SGK2: variants seen among roughly 807,000 people sequenced by gnomAD.
The protein encoded by SGK2 is serum/glucocorticoid regulated kinase 2, also known as serine/threonine-protein kinase Sgk2.
SGK2 carries 36 observed loss-of-function variants against 47.5 expected under a neutral mutation model. The ratio of observed to expected loss-of-function variants is 0.76; its 90% CI spans 0.58 to 1.00. The LOEUF (loss-of-function observed/expected upper bound fraction) is 1.00. Among genes scored for constraint, SGK2 ranks in the 50% least tolerant of loss-of-function variants. The pLI is 0.00. For missense variants in SGK2, 404 were observed against 467.4 expected, an observed-to-expected ratio of 0.86 and a Z score of 1.25; for synonymous variants, 157 against 181.9, an observed-to-expected ratio of 0.86 and a Z score of 1.10.
rs1045274713 is a variant in SGK2, at chr20:43,579,490, A to G, written c.850-482A>G. 3.9e-5 allele frequency among the ~76,000 whole-genome samples: 6 copies of G among 152,312 alleles called. No individual in the cohort carries two copies. The East Asian group carries it at 1.2e-3, about 29-fold the overall frequency. On this transcript the variant is annotated intron_variant, in intron 11 of 12. Transcript: ENST00000373100. ...TGAATCATGACCAGGGCTGAGTCCT[A>G]AAATCTGGGTGTCTGGGAATCTGAA...
chr20:43,574,547 C>A (rs1980352106), intron 9 of SGK2, among the ~76,000 whole-genome samples: 2 of 152,160 alleles, frequency 1.3e-5, no homozygotes, highest in South Asian at 4.1e-4. Flanking sequence ...GAAAAAGCAC[C>A]CCTTGAAACA....
chr20:43,582,655 T>TG (rs1011905535), intron 12 of SGK2, among the ~76,000 whole-genome samples: 2 of 151,294 alleles, frequency 1.3e-5, no homozygotes, highest in Non-Finnish European at 2.9e-5. Flanking sequence ...CCCAAAGTGC[T>TG]GGGATTACAG....
chr20:43,566,350 C>T (rs935516603), intron 1 of SGK2, 123 bp from the exon 2 acceptor site: 2 of 1,613,332 alleles, frequency 1.2e-6, no homozygotes, highest in South Asian at 1.1e-5. Context: ...AGGAAACCCT[C>T]AGGCGGTGGC....
Position 43,571,064 on chromosome 20 carries a change from G to GGTGGGTGGGTGTGTGTGGGT in SGK2, c.510+7_510+8insGGTGGGTGTGTGTGGGTGTG, listed in dbSNP as rs796100790. ...GAACATTCTCTTGGACTGCCAGGTT[G>GGTGGGTGGGTGTGTGTGGGT]GTGTGTGTGTGTGTGTGTGTGTGTG... On this transcript the variant is annotated splice_donor_region_variant and intron_variant, in intron 8 of 12. Coordinates refer to ENST00000373100, the MANE Select transcript of SGK2 (RefSeq NM_170693.3). 5 of 1,566,068 alleles carry GGTGGGTGGGTGTGTGTGGGT rather than the reference G, an allele frequency of 3.2e-6. No individual in the cohort carries two copies. The African/African-American group carries it at 6.9e-5, about 22-fold the overall frequency.
At position 43,580,022 on chromosome 20, in the gene SGK2, G is replaced by T. The variant is rs774356479; in HGVS notation, c.900G>T (p.Leu300=). The part of the protein sequence containing the change: ...VFFSPINWDD[L]YHKRLTPPFN... ...TCAGCCCCATAAACTGGGATGACCT[G>T]TACCACAAGAGGCTAACTCCACCCT... Residue 300 remains leucine (L), a synonymous_variant, in exon 12 of 13, where the codon CTG becomes CTT. Transcript: ENST00000373100. 1.9e-6 allele frequency: 3 copies of T among 1,610,856 alleles called. No individual in the cohort carries two copies. The highest frequency in any genetic ancestry group is 2.5e-6 in the Non-Finnish European group (3 of 1,178,466).
rs1217222186 is a variant in SGK2 at position 43,569,525 on chromosome 20, G to A, written c.360+9G>A. 1 of 1,611,514 alleles carries A rather than the reference G, an allele frequency of 6.2e-7. No homozygotes were observed. The highest frequency in any genetic ancestry group is 1.1e-5 in the South Asian group (1 of 91,040). ...ATGTCAACGGGGGAGAGGTGGGTGG[G>A]CCCACAGGGAGGCTTCCCTGGGCTG... On this transcript the variant is annotated intron_variant, in intron 6 of 12. Coordinates refer to ENST00000373100, the MANE Select transcript of SGK2 (RefSeq NM_170693.3).
At chr20:43,580,326 T>G (rs2301481) in intron 12 of SGK2, among the ~76,000 whole-genome samples, 131,929 of 152,202 alleles carry the variant, frequency 0.87, 57,285 homozygotes, top group Middle Eastern at 0.92. Flanking sequence ...AGTGCTCTGT[T>G]TCGCACAGCA....
Position 43,585,236 on chromosome 20 carries a change from G to A in SGK2, c.*220G>A, listed in dbSNP as rs907538647. On this transcript the variant is annotated 3_prime_UTR_variant, in exon 13 of 13. Transcript: ENST00000373100. ...CTCTGCCCTGCCAACCTTGACAAATGGCTTCCAATGTTAGGTTTGCTACAA... is the reference window on the plus strand; with the variant it reads ...CTCTGCCCTGCCAACCTTGACAAATAGCTTCCAATGTTAGGTTTGCTACAA... 6 of 361,248 alleles carry A rather than the reference G, an allele frequency of 1.7e-5. No homozygotes were observed. Among genetic ancestry groups the A allele is most frequent in the Non-Finnish European group, 3.1e-5 (6 of 195,912 alleles). The allele number at this position is 361,248 out of a possible 1,614,324, so 22.4% of individuals were successfully genotyped here. A position where few individuals can be genotyped will look rare whatever the true frequency, so the allele number is the denominator to read the frequency against.
Position 43,570,683 on chromosome 20 carries a change from G to A in SGK2, c.427G>A (p.Val143Met), listed in dbSNP as rs1166299206. 1 of 1,613,588 alleles carries A rather than the reference G, an allele frequency of 6.2e-7. No individual in the cohort carries two copies. The highest frequency in any genetic ancestry group is 8.5e-7 in the Non-Finnish European group (1 of 1,179,606). Reference protein sequence around the residue: ...EPRARFYAAEVASAIGYLHSL... With the variant: ...EPRARFYAAEMASAIGYLHSL... ...CCGGGCCAGGTTCTACGCTGCTGAG[G>A]TGGCCAGCGCCATTGGCTACCTGCA... Residue 143 changes from valine to methionine, a missense_variant, in exon 7 of 13, where the codon GTG (valine) becomes ATG (methionine). Physicochemically the swap from Val to Met is conservative, Grantham distance 21. Transcript: ENST00000373100.
intron 1 of SGK2, chr20:43,566,177 G>C (rs1470275132): frequency 1.5e-5 from 10 of 646,956 alleles, no homozygotes; most frequent in Non-Finnish European, 2.7e-5. Flanking sequence ...GGCTCACAGG[G>C]GTCTTGTTGC....
At chr20:43,575,613 T>G (rs1814968112) in intron 10 of SGK2, among the ~76,000 whole-genome samples, 1 of 152,178 alleles carries the variant, frequency 6.6e-6, no homozygotes, top group Admixed American at 6.6e-5. Flanking sequence ...ACAGTCCTGA[T>G]AGGTTGTGGA....
At position 43,572,712 on chromosome 20, in the gene SGK2, A is replaced by G. The variant is rs1600994040; in HGVS notation, c.597+575A>G. Among the ~76,000 whole-genome samples, 1 of 152,208 alleles carries G rather than the reference A, an allele frequency of 6.6e-6. No homozygotes were observed. On this transcript the variant is annotated intron_variant, in intron 9 of 12. Coordinates refer to ENST00000373100, the MANE Select transcript of SGK2 (RefSeq NM_170693.3). This position sits in a 1 kb window ranked among gnomAD's most constrained non-coding sequence, Gnocchi z 4.2. ...GAAAAAAGAAAGAAATTCAAACCAC[A>G]TAAACACTTTAAAAACTTCCAGCAG... is the stretch of plus-strand genomic sequence containing the variant.
chr20:43,569,286 G>C, intron 5 of SGK2, 99 bp from the exon 6 acceptor site: 1 of 1,481,588 alleles, frequency 6.7e-7, no homozygotes, highest in Non-Finnish European at 9.2e-7. Context: ...GAAAGTCCTG[G>C]GTAGGATGAC....
intron 6 of SGK2, 119 bp from the exon 7 acceptor site, chr20:43,570,498 G>C (rs1251923568): frequency 4.7e-6 from 3 of 634,194 alleles, no homozygotes; most frequent in Non-Finnish European, 8.3e-6. Context: ...CTTTTGGTAG[G>C]AAGAATGCTG....
intron 3 of SGK2, among the ~76,000 whole-genome samples, chr20:43,567,335 G>A (rs1015822066): frequency 6.6e-6 from 1 of 152,206 alleles, no homozygotes; most frequent in Non-Finnish European, 1.5e-5. Context: ...TGCATTGTTA[G>A]CAACTCCCCA....
At position 43,567,992 on chromosome 20, in the gene SGK2, A is replaced by G; in HGVS notation, c.221A>G (p.Lys74Arg). 1.2e-6 allele frequency: 2 copies of G among 1,613,916 alleles called. No homozygotes were observed. Among genetic ancestry groups the G allele is most frequent in the Non-Finnish European group, 1.7e-6 (2 of 1,179,770 alleles). Reference protein sequence around the residue: ...KVLQKKSILKKKEQSHIMAER... With the variant: ...KVLQKKSILKRKEQSHIMAER... ...CTACAGAAAAAGTCCATCTTAAAGAAGAAAGAGGTACCAGAGCTCGGGCAC... is the reference window on the plus strand; with the variant it reads ...CTACAGAAAAAGTCCATCTTAAAGAGGAAAGAGGTACCAGAGCTCGGGCAC... Residue 74 changes from lysine to arginine, a missense_variant, in exon 5 of 13, where the codon AAG becomes AGG. Physicochemically the swap from Lys to Arg is conservative, Grantham distance 26 (BLOSUM62 2). Coordinates refer to ENST00000373100, the MANE Select transcript of SGK2 (RefSeq NM_170693.3).
chr20:43,579,793 G>A (rs1980676240), intron 11 of SGK2, among the ~76,000 whole-genome samples, 179 bp from the exon 12 acceptor site: 1 of 152,200 alleles, frequency 6.6e-6, no homozygotes, highest in Non-Finnish European at 1.5e-5. Context: ...TTGGATTCTG[G>A]ATGATGGGAG....
Position 43,572,188 on chromosome 20 carries a change from A to T in SGK2, c.597+51A>T. The T allele has an allele frequency of 5.9e-6, 8 of 1,359,896 alleles. No homozygotes were observed. The highest frequency in any genetic ancestry group is 8.2e-6 in the Non-Finnish European group (8 of 973,942). 84.2% of individuals were successfully genotyped at this position (1,359,896 alleles called of 1,614,324 possible). A position where few individuals can be genotyped will look rare whatever the true frequency, so the allele number is the denominator to read the frequency against. ...GGAGGTCATGAGTGGGTGAGGCCAC[A>T]GCTCCTGATTAGAGCCAACAGGTTA... On this transcript the variant is annotated intron_variant, in intron 9 of 12. Transcript: ENST00000373100. The surrounding 1 kb of genome is among the most constrained non-coding windows in gnomAD (Gnocchi z 4.2).
At chr20:43,568,251 G>A (rs1006539636) in intron 5 of SGK2, among the ~76,000 whole-genome samples, 2 of 152,186 alleles carry the variant, frequency 1.3e-5, no homozygotes, top group African/African-American at 2.4e-5. Flanking sequence ...CAGGCTCCAC[G>A]ATGGACAAGT....
Sources: allele counts gnomAD v4.1 joint callset (sites outside exome capture counted in the v4.1 genomes callset), GRCh38; gene constraint gnomAD v4.1.1; non-coding constraint Gnocchi (gnomAD v3.1); transcripts MANE v1.5; gene names NCBI Gene and HGNC (gene_info 2026-07-23, HGNC 2026-07-21).